PITPNB: variants seen among roughly 807,000 people sequenced by gnomAD.
The protein encoded by PITPNB is phosphatidylinositol transfer protein beta isoform.
PITPNB carries 16 observed loss-of-function variants against 45.9 expected under a neutral mutation model. The ratio of observed to expected loss-of-function variants is 0.35; its 90% CI spans 0.24 to 0.53. The LOEUF is 0.53. PITPNB is among the 20% of genes least tolerant of loss of function. PITPNB has a pLI of 0.93. For missense variants in PITPNB, 188 were observed against 330.5 expected (o/e 0.57, Z 3.34); for synonymous variants, 112 against 108.9 (o/e 1.03, Z -0.18).
At chr22:27,908,276 C>T (rs1180762245) in intron 3 of PITPNB, among the ~76,000 whole-genome samples, 1 of 141,400 alleles carries the variant, frequency 7.1e-6, no homozygotes, top group African/African-American at 2.6e-5. Flanking sequence ...TTTTAAATCA[C>T]CCATATCCCA....
intron 6 of PITPNB, among the ~76,000 whole-genome samples, chr22:27,894,963 C>A (rs1601413467): frequency 6.6e-6 from 1 of 152,098 alleles, no homozygotes; most frequent in East Asian, 1.9e-4. Context: ...TGATACACAA[C>A]AAAGTACTTG....
chr22:27,916,114 T>A (rs189200274), intron 1 of PITPNB, among the ~76,000 whole-genome samples: 1 of 152,346 alleles, frequency 6.6e-6, no homozygotes, highest in East Asian at 1.9e-4. Context: ...AACCAAAGAA[T>A]CACTGCTGAG....
intron 7 of PITPNB, among the ~76,000 whole-genome samples, chr22:27,883,675 G>C (rs1241665771): frequency 6.6e-6 from 1 of 152,220 alleles, no homozygotes; most frequent in Non-Finnish European, 1.5e-5. Flanking sequence ...GCTTTGACAG[G>C]CAAGCTCTGA....
intron 8 of PITPNB, among the ~76,000 whole-genome samples, chr22:27,861,081 A>G (rs1934316724): frequency 6.7e-6 from 1 of 150,086 alleles, no homozygotes; most frequent in Non-Finnish European, 1.5e-5. Context: ...CTGTAATCCC[A>G]GCACTTTGGG....
chr22:27,911,758 T>A (rs1293752585), intron 2 of PITPNB, among the ~76,000 whole-genome samples: 2 of 152,206 alleles, frequency 1.3e-5, no homozygotes, highest in Non-Finnish European at 2.9e-5. Context: ...TGGTTCATTG[T>A]GAGTCCTCAA....
At chr22:27,879,521 T>C (rs1934909928) in intron 7 of PITPNB, among the ~76,000 whole-genome samples, 1 of 152,184 alleles carries the variant, frequency 6.6e-6, no homozygotes, top group Non-Finnish European at 1.5e-5. Context: ...GGGCAGTTCA[T>C]GCACAAATAT....
chr22:27,894,544 G>GTAA lies in PITPNB; in HGVS notation c.456+8_456+10dup, dbSNP rs1318469040. 7.4e-7 allele frequency: 1 copy of GTAA among 1,354,296 alleles called. No individual in the cohort carries two copies. The allele number at this position is 1,354,296 out of a possible 1,614,324, so 83.9% of individuals were successfully genotyped here. A position where few individuals can be genotyped will look rare whatever the true frequency, so the allele number is the denominator to read the frequency against. ...AAGGGAACAGATTAAATGTCATTGAGTAATACTTACTGCTGGTTCAACTTG... is the reference window on the plus strand; with the variant it reads ...AAGGGAACAGATTAAATGTCATTGAGTAATAATACTTACTGCTGGTTCAACTTG... On this transcript the variant is annotated intron_variant, in intron 7 of 11. Transcript: ENST00000335272.
At chr22:27,869,424 T>C (rs1453945410) in intron 8 of PITPNB, among the ~76,000 whole-genome samples, 5 of 152,078 alleles carry the variant, frequency 3.3e-5, no homozygotes, top group African/African-American at 1.2e-4. Flanking sequence ...AATATGAAAA[T>C]ATATTCCTTA....
intron 7 of PITPNB, among the ~76,000 whole-genome samples, chr22:27,892,958 C>T (rs1935324100): frequency 6.6e-6 from 1 of 152,168 alleles, no homozygotes; most frequent in South Asian, 2.1e-4. Context: ...TTTGTTCAGG[C>T]AAGTTTACCT....
At chr22:27,918,973 G>A (rs1299805569) in intron 1 of PITPNB, 199 bp downstream of exon 1, 2 of 776,952 alleles carry the variant, frequency 2.6e-6, no homozygotes, top group Non-Finnish European at 4.4e-6. Context: ...GAGAGGGCGT[G>A]TTACCACGGC....
chr22:27,891,636 G>A (rs1473241893), intron 7 of PITPNB, among the ~76,000 whole-genome samples: 3 of 152,078 alleles, frequency 2.0e-5, no homozygotes, highest in Non-Finnish European at 4.4e-5. Context: ...TTCTGGTGAC[G>A]GTGAGTGAGT....
At chr22:27,908,927 C>G (rs566118178) in intron 3 of PITPNB, among the ~76,000 whole-genome samples, 78 of 151,972 alleles carry the variant, frequency 5.1e-4, no homozygotes, top group Middle Eastern at 3.4e-3. Context: ...ATTTAAGGTT[C>G]TATAAAGAGA....
At chr22:27,855,702 G>C (rs1249335450) in intron 10 of PITPNB, among the ~76,000 whole-genome samples, 1 of 152,200 alleles carries the variant, frequency 6.6e-6, no homozygotes, top group Non-Finnish European at 1.5e-5. Context: ...CAACTCCAGG[G>C]CAGTTCCCTG....
intron 7 of PITPNB, among the ~76,000 whole-genome samples, chr22:27,893,845 C>A (rs1249934819): frequency 6.6e-6 from 1 of 152,104 alleles, no homozygotes; most frequent in East Asian, 1.9e-4. Context: ...CCCTCCTTGG[C>A]CTTCCAAAGT....
chr22:27,859,245 G>A (rs1601375462), intron 9 of PITPNB, among the ~76,000 whole-genome samples: 1 of 152,114 alleles, frequency 6.6e-6, no homozygotes, highest in Admixed American at 6.5e-5. Flanking sequence ...ATTATGATCC[G>A]AGAGGAAGGA....
rs1290137678 is a variant in PITPNB at position 27,853,462 on chromosome 22, C to T, written c.*240G>A. ...TATACACAAGTGTGTGTATCTGGAT[C>T]TGTAGCTCTACATGCGCTTTATATA... On this transcript the variant is annotated 3_prime_UTR_variant, in exon 12 of 12. Transcript: ENST00000335272. The T allele has an allele frequency of 2.5e-5, 16 of 636,580 alleles. No individual in the cohort carries two copies. The highest frequency in any genetic ancestry group is 1.9e-4 in the South Asian group (10 of 52,366). 39.4% of individuals were successfully genotyped at this position (636,580 alleles called of 1,614,324 possible).
At chr22:27,916,634 C>G (rs565235956) in intron 1 of PITPNB, among the ~76,000 whole-genome samples, 2 of 152,230 alleles carry the variant, frequency 1.3e-5, no homozygotes, top group Non-Finnish European at 2.9e-5. Context: ...AACCCTGTCT[C>G]TACTAAAAAT....
chr22:27,913,470 A>G (rs544619093), intron 2 of PITPNB, among the ~76,000 whole-genome samples: 1 of 152,316 alleles, frequency 6.6e-6, no homozygotes, highest in African/African-American at 2.4e-5. Context: ...TTTGCTATAT[A>G]TATCTTGATT....
intron 8 of PITPNB, among the ~76,000 whole-genome samples, chr22:27,873,036 G>A (rs990009200): frequency 6.6e-6 from 1 of 152,224 alleles, no homozygotes; most frequent in Admixed American, 6.5e-5. Context: ...GGGAGGCCAG[G>A]GCGGGTGGAT....
Sources: allele counts gnomAD v4.1 joint callset (sites outside exome capture counted in the v4.1 genomes callset), GRCh38; gene constraint gnomAD v4.1.1; transcripts MANE v1.5; gene names NCBI Gene and HGNC (gene_info 2026-07-23, HGNC 2026-07-21).